SPIN2A: variants seen among roughly 807,000 people sequenced by gnomAD.
The protein encoded by SPIN2A is spindlin-2A.
In SPIN2A, 4 loss-of-function variants were observed where a neutral mutation model predicts 9.2. The observed-to-expected ratio is 0.44, with a 90% confidence interval of 0.21 to 1.00. SPIN2A has a LOEUF of 1.00. Among genes scored for constraint, SPIN2A ranks in the 50% least tolerant of loss-of-function variants. The probability of loss-of-function intolerance (pLI) is 0.26; values close to 1 mark genes in which losing one functional copy is unlikely to be tolerated. For missense variants in SPIN2A, 77 were observed against 172.8 expected, an observed-to-expected ratio of 0.45 and a Z score of 3.11; for synonymous variants, 25 against 61.2, an observed-to-expected ratio of 0.41 and a Z score of 2.76.
chrX:57,136,225 C>G lies in SPIN2A; in HGVS notation c.373G>C (p.Ala125Pro). 1.7e-6 allele frequency: 2 copies of G among 1,205,417 alleles called. No individual in the cohort carries two copies. Among genetic ancestry groups the G allele is most frequent in the Middle Eastern group, 2.3e-4 (1 of 4,342 alleles). ...ACTGCTTTGCCAATTATGGTATTTG[C>G]AAGGTTGGCATCACTAATGTGAGAT... ...ASSHISDANL[A>P]NTIIGKAVEH... The change falls in exon 2 of 2, where the codon GCA (alanine) becomes CCA (proline). Residue 125 changes from alanine (A) to proline (P), a missense_variant. This residue lies in a region of SPIN2A where 17 missense variants were observed against 73.2 expected (regional missense o/e 0.23). Transcript: ENST00000374906.
At chrX:57,139,397 T>C (rs904226193), upstream of SPIN2A, among the ~76,000 whole-genome samples, 3 of 112,162 alleles carry the variant, frequency 2.7e-5, no homozygotes, top group African/African-American at 9.7e-5. Flanking sequence ...AGTTCTCTAT[T>C]TTGTGGTGTC....
upstream of SPIN2A, among the ~76,000 whole-genome samples, chrX:57,142,486 A>G (rs1454059754): frequency 5.4e-5 from 6 of 112,142 alleles, no homozygotes; most frequent in Admixed American, 5.7e-4. Context: ...TAATTTTAAT[A>G]TTTTAAAAAT....
chrX:57,137,869 G>A (rs1475395671), upstream of SPIN2A, among the ~76,000 whole-genome samples: 5 of 109,424 alleles, frequency 4.6e-5, no homozygotes, highest in African/African-American at 1.3e-4. Flanking sequence ...GTGTATGTAT[G>A]TATATATATA....
Position 57,137,351 on chromosome X carries a change from C to G in SPIN2A, c.-97G>C. The G allele has an allele frequency of 1.3e-6, 1 of 757,638 alleles. No individual in the cohort carries two copies. Among genetic ancestry groups the G allele is most frequent in the Admixed American group, 7.9e-5 (1 of 12,585 alleles). The allele number at this position is 757,638 out of a possible 1,213,427, so 62.4% of individuals were successfully genotyped here. The stretch of plus-strand genomic sequence containing the variant: ...CTTGCAAGAGCGGGGAGGGTAGGAT[C>G]CATAGATGAGGAGCGTGTGTAGGAG... On this transcript the variant is annotated 5_prime_UTR_variant, in exon 1 of 2. Coordinates refer to ENST00000374906, the MANE Select transcript of SPIN2A (RefSeq NM_019003.5).
intron 1 of SPIN2A, 182 bp from the exon 2 acceptor site, chrX:57,136,784 G>A: frequency 8.4e-6 from 3 of 356,984 alleles, no homozygotes; most frequent in Non-Finnish European, 1.5e-5. Context: ...TTTGGGCTGT[G>A]GGGAAGGGCT....
the SPIN2A span, among the ~76,000 whole-genome samples, chrX:57,142,956 A>G: frequency 3.6e-5 from 4 of 111,437 alleles, no homozygotes; most frequent in Non-Finnish European, 7.5e-5. Flanking sequence ...TTTGCATAGA[A>G]TATCTTTTTT....
chrX:57,141,384 G>A (rs190475922), upstream of SPIN2A, among the ~76,000 whole-genome samples: 21 of 111,863 alleles, frequency 1.9e-4, no homozygotes, highest in Admixed American at 5.7e-4. Flanking sequence ...GGTAATATTG[G>A]CGTATAATGT....
At chrX:57,142,049 A>G (rs1381195891), upstream of SPIN2A, among the ~76,000 whole-genome samples, 1 of 111,476 alleles carries the variant, frequency 9.0e-6, no homozygotes, top group East Asian at 2.8e-4. Flanking sequence ...CATGTTTTCA[A>G]AAAGCCAGCT....
chrX:57,136,943 A>G (rs2146916351), intron 1 of SPIN2A: 1 of 841,927 alleles, frequency 1.2e-6, no homozygotes, highest in Admixed American at 4.7e-5. Context: ...CTTGACCAGC[A>G]CCCACTACCC....
upstream of SPIN2A, among the ~76,000 whole-genome samples, chrX:57,139,592 C>T (rs1432059654): frequency 9.0e-6 from 1 of 110,713 alleles, no homozygotes; most frequent in Non-Finnish European, 1.9e-5. Flanking sequence ...TAGCTGGAAC[C>T]ACAGGTGCCC....
chrX:57,144,307 CT>C, the SPIN2A span, among the ~76,000 whole-genome samples: 7 of 109,588 alleles, frequency 6.4e-5, no homozygotes, highest in African/African-American at 2.3e-4. Context: ...TAGTTTGAGT[CT>C]TCTTGGTGTT....
At chrX:57,135,568 G>T, downstream of SPIN2A, 1 of 503,863 alleles carries the variant, frequency 2.0e-6, no homozygotes, top group Non-Finnish European at 3.1e-6. Flanking sequence ...AGCCGAAATT[G>T]ACAGCTGTTC....
chrX:57,134,555 C>G (rs761800532), downstream of SPIN2A: 5 of 111,838 alleles, frequency 4.5e-5, no homozygotes, highest in East Asian at 1.4e-3. Flanking sequence ...AGGCTCAGTC[C>G]TCTGATGCCC....
the SPIN2A span, among the ~76,000 whole-genome samples, chrX:57,146,992 T>A: frequency 9.0e-6 from 1 of 111,534 alleles, no homozygotes; most frequent in African/African-American, 3.3e-5. Flanking sequence ...GATTTTTGTA[T>A]CTATATTAGT....
chrX:57,135,680 G>C lies in SPIN2A; in HGVS notation c.*141C>G, dbSNP rs1927676842. 1 of 1,088,900 alleles carries C rather than the reference G, an allele frequency of 9.2e-7. No individual in the cohort carries two copies. Among genetic ancestry groups the C allele is most frequent in the Non-Finnish European group, 1.2e-6 (1 of 831,347 alleles). The allele number at this position is 1,088,900 out of a possible 1,213,427, so 89.7% of individuals were successfully genotyped here. On this transcript the variant is annotated 3_prime_UTR_variant, in exon 2 of 2. Transcript: ENST00000374906. ...TATTCACAAATTTGTATTTTTTAGA[G>C]CAAAACAACAGTTAATGCTGGCAAA...
At chrX:57,144,081 G>A in the SPIN2A span, among the ~76,000 whole-genome samples, 1 of 111,958 alleles carries the variant, frequency 8.9e-6, no homozygotes, top group Non-Finnish European at 1.9e-5. Flanking sequence ...TAACTTTGCT[G>A]GCAGTATTCT....
upstream of SPIN2A, chrX:57,137,670 C>T (rs1013148523): frequency 1.8e-5 from 2 of 111,320 alleles, no homozygotes. Context: ...TGTAGGTGGC[C>T]TTTTCTCTCT....
At chrX:57,142,187 C>T (rs1432628070), upstream of SPIN2A, among the ~76,000 whole-genome samples, 2 of 111,725 alleles carry the variant, frequency 1.8e-5, no homozygotes, top group East Asian at 5.6e-4. Context: ...CTTTAAGGTG[C>T]ATTTTTAGGT....
At position 57,136,155 on chromosome X, in the gene SPIN2A, C is replaced by T; in HGVS notation, c.443G>A (p.Arg148Lys). Residue 148 changes from arginine (R) to lysine (K), a missense_variant, in exon 2 of 2, where the codon AGG becomes AAG. Physicochemically the swap from Arg to Lys is conservative, Grantham distance 26. Transcript: ENST00000374906. ...EGEHGSKDEW[R>K]GMVLAQAPIM... ...AGGTGCTTGAGCTAAGACCATCCCC[C>T]TCCATTCATCCTTAGAACCATGCTC... The T allele has an allele frequency of 8.3e-7, 1 of 1,210,686 alleles. No individual in the cohort carries two copies. Among genetic ancestry groups the T allele is most frequent in the East Asian group, 3.0e-5 (1 of 33,818 alleles).
Sources: allele counts gnomAD v4.1 joint callset (sites outside exome capture counted in the v4.1 genomes callset), GRCh38; gene constraint gnomAD v4.1.1; regional missense constraint gnomAD v4.1.1; transcripts MANE v1.5; gene names NCBI Gene and HGNC (gene_info 2026-07-23, HGNC 2026-07-21).